INO80: variants seen among roughly 807,000 people sequenced by gnomAD.
INO80 encodes the protein chromatin-remodeling ATPase INO80.
A neutral mutation model predicts 203.4 loss-of-function variants in INO80; 20 were observed. That is an observed-to-expected ratio of 0.10 (90% confidence interval 0.07 to 0.14). The LOEUF (loss-of-function observed/expected upper bound fraction) is 0.14, where lower values mean the gene tolerates loss of function less well. INO80 is among the 10% of genes least tolerant of loss of function. The pLI is 1.00. For missense variants in INO80, 1,419 were observed against 1,914.4 expected (o/e 0.74, Z 4.83); for synonymous variants, 726 against 685.2 (o/e 1.06, Z -0.93).
At chr15:41,061,822 T>C (rs1398866563) in intron 14 of INO80, among the ~76,000 whole-genome samples, 3 of 152,158 alleles carry the variant, frequency 2.0e-5, no homozygotes, top group Non-Finnish European at 4.4e-5. Flanking sequence ...ACAGATTAGA[T>C]GCAGCTAAAG....
chr15:40,994,270 T>A (rs936058172), intron 29 of INO80, among the ~76,000 whole-genome samples: 1 of 152,218 alleles, frequency 6.6e-6, no homozygotes, highest in African/African-American at 2.4e-5. Context: ...TTATCAGAGA[T>A]GCCTTACCAA....
At chr15:41,114,262 G>A (rs1187000254) in intron 1 of INO80, among the ~76,000 whole-genome samples, 6 of 146,722 alleles carry the variant, frequency 4.1e-5, no homozygotes, top group East Asian at 2.0e-4. Flanking sequence ...GCCAGACTCC[G>A]TCTCAAAAAA....
chr15:41,069,704 G>C (rs751151927), intron 13 of INO80, 39 bp from the exon 14 acceptor site: 1 of 1,145,502 alleles, frequency 8.7e-7, no homozygotes, highest in Admixed American at 2.1e-5. Context: ...TACAGGAAAA[G>C]GGAAGGTATT....
At chr15:41,061,218 T>C (rs1373929394) in intron 14 of INO80, among the ~76,000 whole-genome samples, 3 of 152,046 alleles carry the variant, frequency 2.0e-5, no homozygotes, top group Non-Finnish European at 4.4e-5. Context: ...AAGGCAGAAT[T>C]GCTTGAGCCT....
rs933963144 is a variant in INO80 at position 41,034,677 on chromosome 15, T to C, written c.2908-6941A>G. Reference sequence around the variant, plus strand: ...GCTCCAAAGGAGCTTTAGTCTAAAATATTATTTGAATTTCGTAAGAAAAAG... The same window carrying C: ...GCTCCAAAGGAGCTTTAGTCTAAAACATTATTTGAATTTCGTAAGAAAAAG... On this transcript the variant is annotated intron_variant, in intron 24 of 35. Coordinates refer to ENST00000648947, the MANE Select transcript of INO80 (RefSeq NM_017553.3). Among the ~76,000 whole-genome samples the C allele has an allele frequency of 2.6e-5, 4 of 152,322 alleles. No homozygotes were observed. In the East Asian group the frequency reaches 7.7e-4, roughly 29 times the overall value.
intron 29 of INO80, among the ~76,000 whole-genome samples, chr15:40,989,280 G>T (rs373629469): frequency 2.6e-5 from 4 of 152,172 alleles, no homozygotes; most frequent in African/African-American, 9.7e-5. Flanking sequence ...TTCCCAGGAT[G>T]GAATGTTTAA....
intron 4 of INO80, among the ~76,000 whole-genome samples, chr15:41,093,189 G>A (rs967657111): frequency 1.3e-5 from 2 of 152,136 alleles, no homozygotes; most frequent in East Asian, 1.9e-4. Context: ...CACTTCGGGA[G>A]GCTGAGGCGG....
chr15:41,071,802 T>A, intron 12 of INO80, 47 bp downstream of exon 12: 1 of 1,495,228 alleles, frequency 6.7e-7, no homozygotes, highest in Non-Finnish European at 9.3e-7. Flanking sequence ...ACAAATGACT[T>A]TAGGAAAAGA....
intron 24 of INO80, among the ~76,000 whole-genome samples, chr15:41,029,014 A>C (rs2044419793): frequency 6.6e-6 from 1 of 152,228 alleles, no homozygotes; most frequent in South Asian, 2.1e-4. Context: ...CTTCCTCAGT[A>C]TGTTATTCGT....
intron 18 of INO80, among the ~76,000 whole-genome samples, chr15:41,054,795 T>C (rs1267959315): frequency 1.3e-5 from 2 of 152,134 alleles, no homozygotes; most frequent in Admixed American, 1.3e-4. Context: ...CCCGCCATCA[T>C]GCCCGGCTAA....
At chr15:40,992,220 C>T (rs74014732) in intron 29 of INO80, among the ~76,000 whole-genome samples, 5,405 of 152,300 alleles carry the variant, frequency 0.035, 269 homozygotes, top group African/African-American at 0.11. Flanking sequence ...TTCTTGAATC[C>T]CTGCAAAGGG....
intron 26 of INO80, chr15:41,016,730 T>C (rs2044216550): frequency 6.6e-6 from 1 of 152,386 alleles, no homozygotes; most frequent in Non-Finnish European, 1.5e-5. Flanking sequence ...TTCCACTCTG[T>C]CACCCAGGCT....
At chr15:41,030,916 C>T (rs1378911181) in intron 24 of INO80, among the ~76,000 whole-genome samples, 3 of 152,110 alleles carry the variant, frequency 2.0e-5, no homozygotes, top group African/African-American at 7.2e-5. Context: ...ATGATCCGTC[C>T]ACCTTGGCCT....
At chr15:41,114,285 A>C (rs866943670) in intron 1 of INO80, among the ~76,000 whole-genome samples, 9 of 151,770 alleles carry the variant, frequency 5.9e-5, no homozygotes, top group African/African-American at 1.5e-4. Flanking sequence ...AAAAAAAAAA[A>C]ACATTCATTT....
intron 1 of INO80, among the ~76,000 whole-genome samples, chr15:41,105,603 T>C (rs575926666): frequency 1.3e-5 from 2 of 152,120 alleles, no homozygotes; most frequent in Non-Finnish European, 2.9e-5. Context: ...TCCAGCAAAT[T>C]AGAGGCTCCT....
chr15:41,071,798 G>A, intron 12 of INO80, 51 bp downstream of exon 12: 1 of 1,477,942 alleles, frequency 6.8e-7, no homozygotes, highest in Non-Finnish European at 9.4e-7. Flanking sequence ...TTGAACAAAT[G>A]ACTTTAGGAA....
At chr15:41,031,843 C>T (rs1439700041) in intron 24 of INO80, among the ~76,000 whole-genome samples, 2 of 152,060 alleles carry the variant, frequency 1.3e-5, no homozygotes, top group African/African-American at 4.8e-5. Flanking sequence ...ACTCTTTTCG[C>T]ACCATACAAA....
Position 41,058,427 on chromosome 15 carries a change from G to A in INO80, c.1985+212C>T, listed in dbSNP as rs1317252714. Among the ~76,000 whole-genome samples the A allele has an allele frequency of 2.6e-5, 4 of 152,254 alleles. 1 individual carries two copies. The highest frequency in any genetic ancestry group is 2.0e-4 in the Admixed American group (3 of 15,286). On this transcript the variant is annotated intron_variant, in intron 16 of 35. Transcript: ENST00000648947. ...TCTAATCCCAACACCTGGGGAGGCCGATGCGAGAGGATCGCTTGAAGCCAG... is the reference window on the plus strand; with the variant it reads ...TCTAATCCCAACACCTGGGGAGGCCAATGCGAGAGGATCGCTTGAAGCCAG...
At chr15:41,047,680 A>G (rs1322894296) in intron 22 of INO80, among the ~76,000 whole-genome samples, 179 bp from the exon 23 acceptor site, 1 of 152,200 alleles carries the variant, frequency 6.6e-6, no homozygotes, top group East Asian at 1.9e-4. Flanking sequence ...CAGATAAGAG[A>G]GGCAGGCCTA....
Sources: allele counts gnomAD v4.1 joint callset (sites outside exome capture counted in the v4.1 genomes callset), GRCh38; gene constraint gnomAD v4.1.1; transcripts MANE v1.5; gene names NCBI Gene and HGNC (gene_info 2026-07-23, HGNC 2026-07-21).